The following COL4A6 variants were observed in gnomAD, a reference collection of about 807,000 sequenced individuals.
COL4A6 encodes collagen type IV alpha 6 chain, also known as collagen alpha-6(IV) chain.
COL4A6 carries 59 observed loss-of-function variants against 126.7 expected under a neutral mutation model. That is an observed-to-expected ratio of 0.47 (90% CI 0.38 to 0.58). The LOEUF (loss-of-function observed/expected upper bound fraction) is 0.58. Among genes scored for constraint, COL4A6 ranks in the 20% least tolerant of loss-of-function variants. The probability of loss-of-function intolerance (pLI) is 0.00; values close to 1 mark genes in which losing one functional copy is unlikely to be tolerated. For synonymous variants in COL4A6, 547 were observed against 496.6 expected, an observed-to-expected ratio of 1.10 and a Z score of -1.35; for missense variants, 1,285 against 1,337.3, an observed-to-expected ratio of 0.96 and a Z score of 0.61.
chrX:108,422,891 T>C (rs1284488149), intron 2 of COL4A6, among the ~76,000 whole-genome samples: 2 of 111,338 alleles, frequency 1.8e-5, no homozygotes, highest in Non-Finnish European at 3.8e-5. Context: ...TAGTCCTAGG[T>C]TGGGGTGCAG....
At chrX:108,341,425 GT>G (rs1216368212) in intron 2 of COL4A6, among the ~76,000 whole-genome samples, 4 of 110,786 alleles carry the variant, frequency 3.6e-5, no homozygotes, top group Non-Finnish European at 7.6e-5. Context: ...ACAGGGAGCA[GT>G]TTCCCCCATA....
At chrX:108,210,052 C>A (rs746311827) in intron 7 of COL4A6, 48 bp from the exon 8 acceptor site, 4 of 1,155,337 alleles carry the variant, frequency 3.5e-6, no homozygotes, top group Non-Finnish European at 4.7e-6. Flanking sequence ...ATTAAGCCTG[C>A]AATATTTCAG....
chrX:108,226,227 G>A (rs73636383), intron 3 of COL4A6, among the ~76,000 whole-genome samples: 5,112 of 112,419 alleles, frequency 0.045, 246 homozygotes, highest in African/African-American at 0.14. Flanking sequence ...CTGGCAGATA[G>A]AATGAAAGCA....
intron 3 of COL4A6, among the ~76,000 whole-genome samples, chrX:108,263,245 C>T (rs189726072): frequency 1.6e-4 from 18 of 111,692 alleles, no homozygotes; most frequent in Admixed American, 1.4e-3. Context: ...CTTCTTAGAC[C>T]AGTGATTCTC....
intron 2 of COL4A6, among the ~76,000 whole-genome samples, chrX:108,347,411 G>T: frequency 8.9e-6 from 1 of 111,982 alleles, no homozygotes; most frequent in Non-Finnish European, 1.9e-5. Flanking sequence ...TTTACCACAC[G>T]TTTAAGCAAC....
intron 2 of COL4A6, among the ~76,000 whole-genome samples, chrX:108,398,577 C>CA (rs771737151): frequency 1.5e-4 from 17 of 110,826 alleles, no homozygotes; most frequent in African/African-American, 4.9e-4. Context: ...ATTCATCATG[C>CA]AAAAATTCAC....
chrX:108,246,862 A>G (rs1324743168), intron 3 of COL4A6, among the ~76,000 whole-genome samples: 8 of 111,306 alleles, frequency 7.2e-5, no homozygotes, highest in Non-Finnish European at 1.9e-5. Context: ...AGACTCATAC[A>G]ATGAGGGATT....
At chrX:108,392,874 GC>G (rs2040868170) in intron 2 of COL4A6, among the ~76,000 whole-genome samples, 1 of 111,739 alleles carries the variant, frequency 8.9e-6, no homozygotes, top group South Asian at 3.7e-4. Flanking sequence ...GAATTTTGTA[GC>G]CTATAGAACT....
In COL4A6 at chrX:108,417,863, T is replaced by A. The variant is rs2041463095; in HGVS notation, c.63+20079A>T. On this transcript the variant is annotated intron_variant, in intron 2 of 44. Coordinates refer to ENST00000334504, the MANE Select transcript of COL4A6 (RefSeq NM_033641.4). ...CAGAGAACTCTAAGGAACTCTAGAA[T>A]GGATTCATGAACCTATTTGAGAAAC... is the stretch of plus-strand genomic sequence containing the variant. 4.5e-5 allele frequency among the ~76,000 whole-genome samples: 5 copies of A among 111,890 alleles called. No individual in the cohort carries two copies. In the South Asian group the frequency reaches 1.9e-3, roughly 42 times the overall value.
At chrX:108,190,979 C>T (rs959497768) in intron 19 of COL4A6, among the ~76,000 whole-genome samples, 4 of 111,945 alleles carry the variant, frequency 3.6e-5, no homozygotes, top group Non-Finnish European at 7.5e-5. Flanking sequence ...TAGCAGCCAC[C>T]TCGAGGGTCC....
intron 3 of COL4A6, among the ~76,000 whole-genome samples, chrX:108,252,527 C>G (rs2036875783): frequency 9.0e-6 from 1 of 111,354 alleles, no homozygotes; most frequent in Non-Finnish European, 1.9e-5. Flanking sequence ...TAAACAAGTC[C>G]TCCATCAAAG....
At chrX:108,294,458 G>A (rs1158884085) in intron 3 of COL4A6, among the ~76,000 whole-genome samples, 3 of 105,541 alleles carry the variant, frequency 2.8e-5, no homozygotes, top group Non-Finnish European at 5.8e-5. Context: ...GCAGGAGGAT[G>A]GCAGTTGCTA....
intron 17 of COL4A6, among the ~76,000 whole-genome samples, chrX:108,192,790 T>C (rs973136829): frequency 8.9e-6 from 1 of 112,684 alleles, no homozygotes; most frequent in Admixed American, 9.3e-5. Flanking sequence ...CTAAGAATTG[T>C]TCTGGCCAAG....
rs189736727 is a variant in COL4A6 at position 108,322,594 on chromosome X, T to C, written c.64-11766A>G. Among the ~76,000 whole-genome samples the C allele has an allele frequency of 2.7e-3, 307 of 111,923 alleles. 3 individuals carry two copies. The highest frequency in any genetic ancestry group is 9.8e-3 in the African/African-American group (301 of 30,827). On this transcript the variant is annotated intron_variant, in intron 2 of 44. Coordinates refer to ENST00000334504, the MANE Select transcript of COL4A6 (RefSeq NM_033641.4). ...AGTACTACCCAGTTAGACCTTAAAG[T>C]AAATCCAACAAGTAAATGCTTAACA...
chrX:108,188,673 G>C lies in COL4A6; in HGVS notation c.1431C>G (p.Asp477Glu), dbSNP rs139740946. ...GNLGLKGIKG[D>E]SGFCACDGGV... ...CACCGTCACAAGCACAGAAACCTGA[G>C]TCTCCTGGGAGAAAAAGACAACATA... The change falls in exon 21 of 45, where the codon GAC (aspartate) becomes GAG (glutamate). Residue 477 changes from aspartate to glutamate, a missense_variant. Transcript: ENST00000334504. The C allele has an allele frequency of 8.7e-7, 1 of 1,146,610 alleles. No homozygotes were observed. The highest frequency in any genetic ancestry group is 1.2e-6 in the Non-Finnish European group (1 of 864,274). The allele number at this position is 1,146,610 out of a possible 1,213,427, so 94.5% of individuals were successfully genotyped here.
At chrX:108,378,450 C>A (rs1430398195) in intron 2 of COL4A6, among the ~76,000 whole-genome samples, 1 of 112,111 alleles carries the variant, frequency 8.9e-6, no homozygotes. Flanking sequence ...ATATGAGATA[C>A]CCTTTAGGAA....
At chrX:108,299,222 GT>G (rs1345577414) in intron 3 of COL4A6, among the ~76,000 whole-genome samples, 2 of 111,820 alleles carry the variant, frequency 1.8e-5, no homozygotes, top group Admixed American at 1.9e-4. Context: ...CTGTGTATAT[GT>G]GTGGCTTTTC....
intron 3 of COL4A6, among the ~76,000 whole-genome samples, chrX:108,280,183 C>T (rs1256163224): frequency 1.8e-5 from 2 of 111,160 alleles, no homozygotes; most frequent in Admixed American, 9.6e-5. Context: ...AAAAACCCTT[C>T]AAAAAATTAA....
At chrX:108,220,433 G>A (rs777073944) in intron 4 of COL4A6, among the ~76,000 whole-genome samples, 2 of 111,896 alleles carry the variant, frequency 1.8e-5, no homozygotes, top group South Asian at 7.6e-4. Context: ...CCTAGTGAGG[G>A]AATCGTTCCC....
Sources: gnomAD v4.1 joint callset for allele counts (sites outside exome capture counted in the v4.1 genomes callset) on GRCh38, gnomAD v4.1.1 for gene constraint, MANE v1.5 for transcripts, NCBI Gene and HGNC (gene_info 2026-07-23, HGNC 2026-07-21) for gene names.